SULT2B1: variants seen among roughly 807,000 people sequenced by gnomAD.
SULT2B1 encodes sulfotransferase 2B1.
SULT2B1 carries 16 observed loss-of-function variants against 33.2 expected under a neutral mutation model. The ratio of observed to expected loss-of-function variants is 0.48; its 90% CI spans 0.33 to 0.73. The LOEUF is 0.73. Among genes scored for constraint, SULT2B1 ranks in the 30% least tolerant of loss-of-function variants. The pLI, the probability that SULT2B1 is intolerant of heterozygous loss-of-function variation, is 0.02. For synonymous variants in SULT2B1, 186 were observed against 200.5 expected, an observed-to-expected ratio of 0.93 and a Z score of 0.61; for missense variants, 500 against 506.0, an observed-to-expected ratio of 0.99 and a Z score of 0.11.
chr19:48,562,592 T>C (rs956952328), intron 1 of SULT2B1, among the ~76,000 whole-genome samples: 3 of 152,038 alleles, frequency 2.0e-5, no homozygotes, highest in African/African-American at 7.2e-5. Flanking sequence ...CATATGCATG[T>C]TTATATGGAT....
At position 48,571,378 on chromosome 19, in the gene SULT2B1, G is replaced by C. The variant is rs181576131; in HGVS notation, c.72-4563G>C. Among the ~76,000 whole-genome samples, 1,122 of 151,350 alleles carry C rather than the reference G, an allele frequency of 7.4e-3. 12 individuals carry two copies. The highest frequency in any genetic ancestry group is 0.028 in the Middle Eastern group (8 of 290). On this transcript the variant is annotated intron_variant, in intron 1 of 6. Coordinates refer to ENST00000201586, the MANE Select transcript of SULT2B1 (RefSeq NM_177973.2). ...TGCCCAGCTAATTTTTGTATTTTTA[G>C]TAGAGATGGGGTTTCACCATGTTGG...
intron 1 of SULT2B1, 25 bp from the exon 2 acceptor site, chr19:48,575,916 T>G: frequency 6.2e-7 from 1 of 1,603,468 alleles, no homozygotes; most frequent in Non-Finnish European, 8.5e-7. Context: ...CTCTCCCTCA[T>G]GGCGTCTCCC....
chr19:48,577,354 T>A (rs1474895106), intron 2 of SULT2B1, among the ~76,000 whole-genome samples: 1 of 87,124 alleles, frequency 1.1e-5, no homozygotes, highest in Non-Finnish European at 2.3e-5. Flanking sequence ...TGAGCCGTCT[T>A]TTTTTTTTTT....
At chr19:48,568,763 G>A (rs1973277761) in intron 1 of SULT2B1, among the ~76,000 whole-genome samples, 2 of 152,234 alleles carry the variant, frequency 1.3e-5, no homozygotes, top group Admixed American at 1.3e-4. Context: ...GTGAGTCAGC[G>A]GCACCGCCAG....
In SULT2B1 at chr19:48,552,330, C is replaced by T. The variant is rs527297765; in HGVS notation, c.71+7C>T. 57 of 1,613,790 alleles carry T rather than the reference C, an allele frequency of 3.5e-5. No individual in the cohort carries two copies. The East Asian group carries it at 1.1e-3, about 32-fold the overall frequency. On this transcript the variant is annotated splice_region_variant and intron_variant, in intron 1 of 6. Transcript: ENST00000201586. This position sits in a 1 kb window ranked among gnomAD's most constrained non-coding sequence, Gnocchi z 4.8. ...ATGACATCTCGGAAATCAGGTGAGG[C>T]CCAGACCTGGGCAGGAGCCAGGAGA... is the stretch of plus-strand genomic sequence containing the variant.
chr19:48,597,360 AAG>A (rs1973733189), intron 6 of SULT2B1, among the ~76,000 whole-genome samples: 1 of 138,380 alleles, frequency 7.2e-6, no homozygotes, highest in South Asian at 2.3e-4. Flanking sequence ...TTTTTTTTGA[AAG>A]AGTCTCGCTC....
At chr19:48,585,251 T>C (rs534780317) in intron 2 of SULT2B1, among the ~76,000 whole-genome samples, 2 of 152,112 alleles carry the variant, frequency 1.3e-5, no homozygotes, top group East Asian at 3.9e-4. Flanking sequence ...AGAAAGTAAT[T>C]TTGAACGTAA....
At chr19:48,597,312 C>T (rs989671995) in intron 6 of SULT2B1, among the ~76,000 whole-genome samples, 1 of 150,012 alleles carries the variant, frequency 6.7e-6, no homozygotes, top group African/African-American at 2.5e-5. Flanking sequence ...ACACCGCAAA[C>T]TCCATGACTC....
intron 1 of SULT2B1, among the ~76,000 whole-genome samples, chr19:48,554,735 C>T (rs1568401147): frequency 7.0e-6 from 1 of 142,624 alleles, no homozygotes; most frequent in Non-Finnish European, 1.5e-5. Flanking sequence ...ACGATCTCGG[C>T]TCACTGCAAC....
chr19:48,560,333 A>G (rs1973159264), intron 1 of SULT2B1, among the ~76,000 whole-genome samples: 1 of 152,140 alleles, frequency 6.6e-6, no homozygotes, highest in African/African-American at 2.4e-5. Context: ...AGTCTTCACA[A>G]CAGCCCTGTG....
chr19:48,572,813 A>G (rs1297231518), intron 1 of SULT2B1, among the ~76,000 whole-genome samples: 2 of 152,028 alleles, frequency 1.3e-5, no homozygotes, highest in Non-Finnish European at 2.9e-5. Context: ...ACCAGGACCC[A>G]GTAGTCCATG....
intron 1 of SULT2B1, among the ~76,000 whole-genome samples, chr19:48,569,311 C>T: frequency 6.9e-6 from 1 of 145,014 alleles, no homozygotes; most frequent in East Asian, 2.2e-4. Flanking sequence ...CACTGCACTC[C>T]AGCCTGGGCG....
chr19:48,573,287 G>A (rs1973356205), intron 1 of SULT2B1, among the ~76,000 whole-genome samples: 1 of 152,038 alleles, frequency 6.6e-6, no homozygotes, highest in Non-Finnish European at 1.5e-5. Flanking sequence ...TCTGTCTGCT[G>A]TCCCTGTCCC....
chr19:48,559,041 A>C (rs1382054841), intron 1 of SULT2B1, among the ~76,000 whole-genome samples: 1 of 151,894 alleles, frequency 6.6e-6, no homozygotes, highest in Non-Finnish European at 1.5e-5. Context: ...ATTAAGAAAT[A>C]ATAAGGCATT....
At chr19:48,588,738 G>A (rs1054157291) in intron 3 of SULT2B1, among the ~76,000 whole-genome samples, 4 of 151,936 alleles carry the variant, frequency 2.6e-5, no homozygotes, top group Non-Finnish European at 5.9e-5. Flanking sequence ...AGGTCAAGGG[G>A]GCCCCCAGTG....
At chr19:48,570,760 T>A (rs1973313510) in intron 1 of SULT2B1, among the ~76,000 whole-genome samples, 1 of 151,800 alleles carries the variant, frequency 6.6e-6, no homozygotes, top group Non-Finnish European at 1.5e-5. Flanking sequence ...AGTCTCACTC[T>A]GTTCCCCAGG....
chr19:48,589,525 G>A (rs912900683), intron 3 of SULT2B1, among the ~76,000 whole-genome samples: 8 of 152,138 alleles, frequency 5.3e-5, no homozygotes, highest in African/African-American at 1.7e-4. Flanking sequence ...GGAATTGAGC[G>A]TGGACAGAGC....
chr19:48,599,347 TCCAGCCCCAGCC>T lies in SULT2B1; in HGVS notation c.1048_1059del (p.Ser350_Pro353del). On this transcript the variant is annotated inframe_deletion, in exon 7 of 7. Coordinates refer to ENST00000201586, the MANE Select transcript of SULT2B1 (RefSeq NM_177973.2). This position sits in a 1 kb window ranked among gnomAD's most constrained non-coding sequence, Gnocchi z 4.1. ...CCTGGAGCGTGAGCCCAGACCCAAC[TCCAGCCCCAGCC>T]CCAGCCCCGGCCAGGCCTCTGAGAC... 6.3e-7 allele frequency: 1 copy of T among 1,584,136 alleles called. No individual in the cohort carries two copies. The highest frequency in any genetic ancestry group is 8.6e-7 in the Non-Finnish European group (1 of 1,165,222).
chr19:48,592,671 T>TG (rs748694776), intron 4 of SULT2B1, 51 bp from the exon 5 acceptor site: 2 of 1,504,464 alleles, frequency 1.3e-6, no homozygotes, highest in Admixed American at 3.9e-5. Context: ...CCAGTGGGGC[T>TG]GGGGGAACCC....
Sources: allele counts gnomAD v4.1 joint callset (sites outside exome capture counted in the v4.1 genomes callset), GRCh38; gene constraint gnomAD v4.1.1; non-coding constraint Gnocchi (gnomAD v3.1); transcripts MANE v1.5; gene names NCBI Gene and HGNC (gene_info 2026-07-23, HGNC 2026-07-21).